Variants in RCAN1 observed in about 807,000 individuals in gnomAD.
The protein encoded by RCAN1 is regulator of calcineurin 1, also known as calcipressin-1.
Under a neutral mutation model 22.9 loss-of-function variants are expected in RCAN1, and 11 were observed. That is an observed-to-expected ratio of 0.48 (90% confidence interval 0.30 to 0.79). RCAN1 has a LOEUF of 0.79. Ranked by LOEUF, RCAN1 falls within the 30% of genes least tolerant of loss-of-function variation. RCAN1 has a pLI of 0.06. For synonymous variants in RCAN1, 136 were observed against 142.3 expected (o/e 0.96, Z 0.32); for missense variants, 291 against 337.8 (o/e 0.86, Z 1.09).
At chr21:34,532,625 AC>A (rs1167444554) in intron 1 of RCAN1, among the ~76,000 whole-genome samples, 8 of 152,236 alleles carry the variant, frequency 5.3e-5, no homozygotes, top group African/African-American at 1.9e-4. Context: ...CACTGCTTCT[AC>A]TTTGATCACA....
At chr21:34,610,360 G>A (rs190807765) in intron 1 of RCAN1, among the ~76,000 whole-genome samples, 4 of 152,152 alleles carry the variant, frequency 2.6e-5, no homozygotes, top group African/African-American at 4.8e-5. Context: ...CCATTAAGGC[G>A]AACGGAGGTA....
intron 1 of RCAN1, among the ~76,000 whole-genome samples, chr21:34,558,586 T>C (rs890397472): frequency 6.6e-6 from 1 of 152,190 alleles, no homozygotes; most frequent in Non-Finnish European, 1.5e-5. Flanking sequence ...ACCAAGAGGC[T>C]ATATACCCTT....
chr21:34,519,453 C>T (rs1360290871), intron 3 of RCAN1, among the ~76,000 whole-genome samples: 1 of 134,052 alleles, frequency 7.5e-6, no homozygotes, highest in Non-Finnish European at 1.5e-5. Flanking sequence ...GGCTGGAATG[C>T]AGTGACAAGA....
At chr21:34,523,214 G>A in intron 2 of RCAN1, 1 of 250,214 alleles carries the variant, frequency 4.0e-6, no homozygotes, top group Non-Finnish European at 7.8e-6. Context: ...ATGGAAACCT[G>A]CTGCGCAAAC....
At chr21:34,540,794 G>T (rs1329016974) in intron 1 of RCAN1, among the ~76,000 whole-genome samples, 1 of 152,076 alleles carries the variant, frequency 6.6e-6, no homozygotes, top group African/African-American at 2.4e-5. Flanking sequence ...AGACAAGCCT[G>T]ACCAACATGG....
At chr21:34,527,854 TA>T (rs3831799) in intron 1 of RCAN1, among the ~76,000 whole-genome samples, 9,517 of 124,530 alleles carry the variant, frequency 0.076, 870 homozygotes, top group African/African-American at 0.22. Flanking sequence ...AAACTAAATG[TA>T]AAAAAAAAAA....
chr21:34,528,570 T>C (rs142588887), intron 1 of RCAN1, among the ~76,000 whole-genome samples: 4 of 152,310 alleles, frequency 2.6e-5, no homozygotes, highest in African/African-American at 9.6e-5. Context: ...CCTTTGTCTG[T>C]CCAGCAGGCA....
rs1988761841 is a variant in RCAN1, at chr21:34,614,421, C to A, written c.252+339G>T. The stretch of plus-strand genomic sequence containing the variant: ...GACCCCCTCCTCCAGCGAGTAAATG[C>A]GGGGCGATGGCGAGAGCGCAGGGGG... On this transcript the variant is annotated intron_variant, in intron 1 of 3. Coordinates refer to ENST00000313806, the MANE Select transcript of RCAN1 (RefSeq NM_004414.7). This position sits in a 1 kb window ranked among gnomAD's most constrained non-coding sequence, Gnocchi z 6.0. 4 of 1,002,536 alleles carry A rather than the reference C, an allele frequency of 4.0e-6. No individual in the cohort carries two copies. The highest frequency in any genetic ancestry group is 4.8e-6 in the Non-Finnish European group (4 of 841,388). The allele number at this position is 1,002,536 out of a possible 1,614,324, so 62.1% of individuals were successfully genotyped here. A position where few individuals can be genotyped will look rare whatever the true frequency, so the allele number is the denominator to read the frequency against.
At position 34,611,347 on chromosome 21, in the gene RCAN1, G is replaced by A. The variant is rs113264033; in HGVS notation, c.252+3413C>T. Among the ~76,000 whole-genome samples the A allele has an allele frequency of 1.1e-4, 16 of 152,272 alleles. 1 individual carries two copies. Among genetic ancestry groups the A allele is most frequent in the African/African-American group, 3.8e-4 (16 of 41,560 alleles). Reference sequence around the variant, plus strand: ...AAAGTTTTCATTCATCTGTAACAGTGTGAATCTAATACATTTAATTAACAA... The same window carrying A: ...AAAGTTTTCATTCATCTGTAACAGTATGAATCTAATACATTTAATTAACAA... On this transcript the variant is annotated intron_variant, in intron 1 of 3. Transcript: ENST00000313806.
At chr21:34,525,461 A>C (rs1984981692) in intron 1 of RCAN1, 2 of 1,322,420 alleles carry the variant, frequency 1.5e-6, no homozygotes, top group East Asian at 5.2e-5. Flanking sequence ...AGCACGGGCA[A>C]GTTTCTGGCA....
Position 34,523,596 on chromosome 21 carries a change from T to C in RCAN1, c.367A>G (p.Arg123Gly). The change falls in exon 2 of 4, where the codon AGG (arginine) becomes GGG (glycine). Residue 123 changes from arginine (R) to glycine (G), a missense_variant. By Grantham distance (125) the Arg-to-Gly change is moderately radical (BLOSUM62 -2). Coordinates refer to ENST00000313806, the MANE Select transcript of RCAN1 (RefSeq NM_004414.7). ...AACTCAGTCTTATGCAGCTGGAGCC[T>C]GGCATCTGCTGCGGAGAAGGGGTTG... is the stretch of plus-strand genomic sequence containing the variant. ...FSNPFSAADA[R>G]LQLHKTEFLG... The C allele has an allele frequency of 6.2e-7, 1 of 1,614,188 alleles. No homozygotes were observed. Among genetic ancestry groups the C allele is most frequent in the Non-Finnish European group, 8.5e-7 (1 of 1,180,022 alleles).
chr21:34,540,972 G>A (rs993573819), intron 1 of RCAN1, among the ~76,000 whole-genome samples: 9 of 152,086 alleles, frequency 5.9e-5, no homozygotes, highest in Admixed American at 3.3e-4. Flanking sequence ...AATACAGAGC[G>A]AGACTCTGTC....
chr21:34,555,907 C>CA (rs1290874774), intron 1 of RCAN1, among the ~76,000 whole-genome samples: 2 of 151,072 alleles, frequency 1.3e-5, no homozygotes, highest in East Asian at 1.9e-4. Context: ...ACGAAAAATA[C>CA]AAAAAATTAG....
intron 1 of RCAN1, among the ~76,000 whole-genome samples, chr21:34,575,511 T>C (rs1271753709): frequency 6.6e-6 from 1 of 152,020 alleles, no homozygotes; most frequent in African/African-American, 2.4e-5. Flanking sequence ...AGTTAAAGTG[T>C]TTTTTATTTC....
Position 34,518,382 on chromosome 21 carries a change from A to T in RCAN1, c.587-126T>A. ...TGACCATTCGATTGGGCTGAGAGAC[A>T]CAGCCAGACATATTTTGGGTTTGTA... On this transcript the variant is annotated intron_variant, in intron 3 of 3. Coordinates refer to ENST00000313806, the MANE Select transcript of RCAN1 (RefSeq NM_004414.7). This position sits in a 1 kb window ranked among gnomAD's most constrained non-coding sequence, Gnocchi z 4.2. 2 of 934,828 alleles carry T rather than the reference A, an allele frequency of 2.1e-6. No individual in the cohort carries two copies. Among genetic ancestry groups the T allele is most frequent in the Non-Finnish European group, 3.1e-6 (2 of 636,680 alleles). The allele number at this position is 934,828 out of a possible 1,614,324, so 57.9% of individuals were successfully genotyped here. A position where few individuals can be genotyped will look rare whatever the true frequency, so the allele number is the denominator to read the frequency against.
At chr21:34,562,009 T>G (rs1210323124) in intron 1 of RCAN1, among the ~76,000 whole-genome samples, 1 of 152,186 alleles carries the variant, frequency 6.6e-6, no homozygotes, top group African/African-American at 2.4e-5. Context: ...GGTGCCACAC[T>G]CAATTACATT....
chr21:34,521,285 G>C, intron 3 of RCAN1: 3 of 1,445,556 alleles, frequency 2.1e-6, no homozygotes, highest in Non-Finnish European at 1.8e-6. Context: ...GGGTCCCCAC[G>C]ATCAGCCGCA....
intron 1 of RCAN1, among the ~76,000 whole-genome samples, chr21:34,538,566 G>A (rs1985780792): frequency 6.6e-6 from 1 of 152,202 alleles, no homozygotes; most frequent in Non-Finnish European, 1.5e-5. Flanking sequence ...CGCAGGGGAG[G>A]TTATTAGGAC....
chr21:34,572,249 C>T (rs1007733269), intron 1 of RCAN1, among the ~76,000 whole-genome samples: 6 of 152,166 alleles, frequency 3.9e-5, no homozygotes, highest in Non-Finnish European at 7.3e-5. Flanking sequence ...CTAGGTTGTC[C>T]GAGGGCTGGA....
Sources: allele counts gnomAD v4.1 joint callset (sites outside exome capture counted in the v4.1 genomes callset), GRCh38; gene constraint gnomAD v4.1.1; non-coding constraint Gnocchi (gnomAD v3.1); transcripts MANE v1.5; gene names NCBI Gene and HGNC (gene_info 2026-07-23, HGNC 2026-07-21).